Variants in RBM33 observed in about 807,000 individuals in gnomAD.
RBM33 encodes the protein RNA binding motif protein 33.
Under a neutral mutation model 132.6 loss-of-function variants are expected in RBM33, and 28 were observed. The observed-to-expected ratio is 0.21, with a 90% CI of 0.16 to 0.29. The LOEUF (loss-of-function observed/expected upper bound fraction) is 0.29, where lower values mean the gene tolerates loss of function less well. RBM33 is among the 10% of genes least tolerant of loss of function. The pLI is 1.00. For missense variants in RBM33, 1,291 were observed against 1,518.5 expected, an observed-to-expected ratio of 0.85 and a Z score of 2.49; for synonymous variants, 634 against 593.0, an observed-to-expected ratio of 1.07 and a Z score of -1.01.
At chr7:155,663,819 A>G (rs1031584123) in intron 1 of RBM33, among the ~76,000 whole-genome samples, 6 of 152,168 alleles carry the variant, frequency 3.9e-5, no homozygotes, top group Non-Finnish European at 5.9e-5. Context: ...AGAGAGATCT[A>G]TGCTCTGCTG....
At chr7:155,646,824 G>A (rs1798210540) in intron 1 of RBM33, among the ~76,000 whole-genome samples, 2 of 152,270 alleles carry the variant, frequency 1.3e-5, no homozygotes, top group South Asian at 2.1e-4. Flanking sequence ...AACCTCATGA[G>A]GACAAAAATG....
intron 16 of RBM33, among the ~76,000 whole-genome samples, chr7:155,771,214 G>A (rs1421208806): frequency 6.6e-6 from 1 of 152,192 alleles, no homozygotes; most frequent in Non-Finnish European, 1.5e-5. Flanking sequence ...GCTCAGGTGT[G>A]TAGACGTGTA....
chr7:155,709,534 T>C (rs1160383470), intron 7 of RBM33, among the ~76,000 whole-genome samples: 1 of 152,246 alleles, frequency 6.6e-6, no homozygotes, highest in African/African-American at 2.4e-5. Flanking sequence ...CAACTGTCCC[T>C]GTACCTCTCC....
At chr7:155,744,031 A>C (rs980423043) in intron 13 of RBM33, among the ~76,000 whole-genome samples, 4 of 152,214 alleles carry the variant, frequency 2.6e-5, no homozygotes, top group Admixed American at 6.5e-5. Flanking sequence ...GACGACAAGT[A>C]ATCCCTGAGT....
intron 9 of RBM33, among the ~76,000 whole-genome samples, chr7:155,724,622 A>T (rs1334563748): frequency 2.0e-5 from 3 of 152,198 alleles, no homozygotes; most frequent in Non-Finnish European, 4.4e-5. Flanking sequence ...CTTTGAGCGT[A>T]CAGGTGTGTG....
intron 1 of RBM33, among the ~76,000 whole-genome samples, chr7:155,659,552 C>T (rs1008870018): frequency 1.4e-4 from 21 of 151,788 alleles, no homozygotes; most frequent in Non-Finnish European, 2.4e-4. Flanking sequence ...AAGAGCAGAA[C>T]GACAAAACAA....
rs1187782941 is a variant in RBM33 at position 155,700,760 on chromosome 7, A to G, written c.568-13A>G. 4 of 1,536,582 alleles carry G rather than the reference A, an allele frequency of 2.6e-6. No individual in the cohort carries two copies. Among genetic ancestry groups the G allele is most frequent in the East Asian group, 2.4e-5 (1 of 41,114 alleles). On this transcript the variant is annotated splice_polypyrimidine_tract_variant and intron_variant, in intron 5 of 17. Coordinates refer to ENST00000401878, the MANE Select transcript of RBM33 (RefSeq NM_053043.3). ...TTACTGTCCTTTTTTTGCCTTGTGT[A>G]TCTGCAATATAGGGAGGTATGGAAA...
At chr7:155,669,505 A>G (rs548241594) in intron 2 of RBM33, among the ~76,000 whole-genome samples, 1 of 152,238 alleles carries the variant, frequency 6.6e-6, no homozygotes, top group South Asian at 2.1e-4. Context: ...GGCATGTGCC[A>G]CCGTGCCTGG....
rs1262740468 is a variant in RBM33 at position 155,706,986 on chromosome 7, G to A, written c.866G>A (p.Gly289Glu). The part of the protein sequence containing the change: ...RGGPLMCRGV[G>E]DQRRESTERG... Reference sequence around the variant, plus strand: ...GGTCCGCTGATGTGTCGTGGTGTGGGGGACCAGAGGAGAGAGAGCACCGAG... The same window carrying A: ...GGTCCGCTGATGTGTCGTGGTGTGGAGGACCAGAGGAGAGAGAGCACCGAG... Residue 289 changes from glycine to glutamate, a missense_variant, in exon 7 of 18, where the codon GGG (glycine) becomes GAG (glutamate). Transcript: ENST00000401878. 16 of 1,593,682 alleles carry A rather than the reference G, an allele frequency of 1.0e-5. No individual in the cohort carries two copies. The highest frequency in any genetic ancestry group is 1.8e-5 in the Admixed American group (1 of 56,668).
At chr7:155,701,724 G>T (rs550217960) in intron 6 of RBM33, among the ~76,000 whole-genome samples, 1 of 152,168 alleles carries the variant, frequency 6.6e-6, no homozygotes, top group Non-Finnish European at 1.5e-5. Flanking sequence ...GTCTCGCTTT[G>T]TTGCCTAAGC....
At chr7:155,653,167 A>G (rs1348879217) in intron 1 of RBM33, among the ~76,000 whole-genome samples, 1 of 152,138 alleles carries the variant, frequency 6.6e-6, no homozygotes, top group Non-Finnish European at 1.5e-5. Context: ...GAGCTTGAGT[A>G]TATTAATGTG....
intron 14 of RBM33, among the ~76,000 whole-genome samples, chr7:155,760,698 A>G (rs978835858): frequency 5.3e-5 from 8 of 152,234 alleles, no homozygotes; most frequent in Non-Finnish European, 1.0e-4. Flanking sequence ...ACTTTTTAGT[A>G]TAGAAAATTT....
At position 155,775,266 on chromosome 7, in the gene RBM33, TCAC is replaced by T. The variant is rs1802568904; in HGVS notation, c.*231_*233del. The T allele has an allele frequency of 1.5e-6, 1 of 648,550 alleles. No individual in the cohort carries two copies. The highest frequency in any genetic ancestry group is 2.8e-6 in the Non-Finnish European group (1 of 355,590). The allele number at this position is 648,550 out of a possible 1,614,324, so 40.2% of individuals were successfully genotyped here. A position where few individuals can be genotyped will look rare whatever the true frequency, so the allele number is the denominator to read the frequency against. ...TGTTAGATTGCTTCACATTCTCTTGTCACCACCAAGAACTCCAAGTTTTTCGTT... is the reference window on the plus strand; with the variant it reads ...TGTTAGATTGCTTCACATTCTCTTGTCACCAAGAACTCCAAGTTTTTCGTT... On this transcript the variant is annotated 3_prime_UTR_variant, in exon 18 of 18. Coordinates refer to ENST00000401878, the MANE Select transcript of RBM33 (RefSeq NM_053043.3).
intron 5 of RBM33, among the ~76,000 whole-genome samples, chr7:155,685,602 G>A (rs1189207925): frequency 2.0e-5 from 3 of 152,202 alleles, no homozygotes; most frequent in Admixed American, 6.5e-5. Flanking sequence ...AGAGAGGTTC[G>A]TGGTCGACGA....
intron 8 of RBM33, among the ~76,000 whole-genome samples, chr7:155,712,403 C>T (rs1051894031): frequency 8.5e-5 from 13 of 152,164 alleles, no homozygotes; most frequent in African/African-American, 2.7e-4. Flanking sequence ...GTTATATTGA[C>T]GAACAAACCA....
intron 1 of RBM33, among the ~76,000 whole-genome samples, chr7:155,651,574 T>G (rs1798354571): frequency 7.7e-6 from 1 of 129,536 alleles, no homozygotes; most frequent in Non-Finnish European, 1.6e-5. Context: ...GGAAACTCTT[T>G]GTCTCACCAA....
At chr7:155,658,904 C>G (rs1798566551) in intron 1 of RBM33, among the ~76,000 whole-genome samples, 1 of 152,170 alleles carries the variant, frequency 6.6e-6, no homozygotes, top group Non-Finnish European at 1.5e-5. Context: ...TTTTCATCCC[C>G]CTCTGCTGAA....
intron 14 of RBM33, among the ~76,000 whole-genome samples, chr7:155,756,130 T>C (rs1160258315): frequency 6.6e-6 from 1 of 152,240 alleles, no homozygotes; most frequent in Non-Finnish European, 1.5e-5. Context: ...ATACTTTTTA[T>C]GAATAGAATG....
chr7:155,680,713 G>A lies in RBM33; in HGVS notation c.372G>A (p.Glu124=). Residue 124 remains glutamate, a synonymous_variant, in exon 5 of 18, where the codon GAG becomes GAA. Coordinates refer to ENST00000401878, the MANE Select transcript of RBM33 (RefSeq NM_053043.3). The stretch of plus-strand genomic sequence containing the variant: ...CTGAGTATGAACAAGAACAAGGAGA[G>A]GATGAACTGGTTTATCACAAATCTG... The part of the protein sequence containing the change: ...QESEYEQEQG[E]DELVYHKSDG... The A allele has an allele frequency of 2.5e-6, 4 of 1,613,086 alleles. No homozygotes were observed. Among genetic ancestry groups the A allele is most frequent in the Non-Finnish European group, 3.4e-6 (4 of 1,179,524 alleles).
Sources: allele counts gnomAD v4.1 joint callset (sites outside exome capture counted in the v4.1 genomes callset), GRCh38; gene constraint gnomAD v4.1.1; transcripts MANE v1.5; gene names NCBI Gene and HGNC (gene_info 2026-07-23, HGNC 2026-07-21).